Variants in TAFA1 observed in about 807,000 individuals in gnomAD.
The protein encoded by TAFA1 is TAFA chemokine like family member 1.
TAFA1 carries 4 observed loss-of-function variants against 18.5 expected under a neutral mutation model. That is an observed-to-expected ratio of 0.22 (90% CI 0.11 to 0.49). The LOEUF (loss-of-function observed/expected upper bound fraction) is 0.49, where lower values mean the gene tolerates loss of function less well. Ranked by LOEUF, TAFA1 falls within the 20% of genes least tolerant of loss-of-function variation. The pLI is 0.98. For missense variants in TAFA1, 147 were observed against 169.0 expected (o/e 0.87, Z 0.72); for synonymous variants, 56 against 55.2 (o/e 1.01, Z -0.06).
chr3:68,243,055 G>A (rs1342907670), intron 2 of TAFA1, among the ~76,000 whole-genome samples: 1 of 151,924 alleles, frequency 6.6e-6, no homozygotes, highest in Non-Finnish European at 1.5e-5. Context: ...AATCATACCA[G>A]TGAGCTTTAT....
intron 2 of TAFA1, among the ~76,000 whole-genome samples, chr3:68,231,867 G>A (rs975563258): frequency 7.2e-5 from 11 of 152,044 alleles, no homozygotes; most frequent in Admixed American, 6.6e-4. Flanking sequence ...CTTAGCCCAA[G>A]TAACTACTAA....
intron 1 of TAFA1, chr3:68,006,153 A>C (rs1704352491): frequency 6.3e-6 from 1 of 159,290 alleles, no homozygotes; most frequent in Non-Finnish European, 1.4e-5. Flanking sequence ...TTTAGAAGAC[A>C]GCATTGCAAT....
chr3:68,353,684 C>T (rs558303414), intron 2 of TAFA1, among the ~76,000 whole-genome samples: 8 of 152,094 alleles, frequency 5.3e-5, no homozygotes, highest in African/African-American at 1.9e-4. Context: ...CTGAGGCAGA[C>T]AGCAGAGGAG....
intron 3 of TAFA1, among the ~76,000 whole-genome samples, chr3:68,466,890 G>T (rs1487665009): frequency 6.6e-6 from 1 of 152,094 alleles, no homozygotes; most frequent in Non-Finnish European, 1.5e-5. Flanking sequence ...GGGAGACATC[G>T]CATGTCGGCA....
chr3:68,525,556 ATTG>A (rs2073099749), intron 3 of TAFA1, among the ~76,000 whole-genome samples: 1 of 152,202 alleles, frequency 6.6e-6, no homozygotes, highest in African/African-American at 2.4e-5. Context: ...AAAGCTGTTG[ATTG>A]TTGTTTTCCA....
intron 2 of TAFA1, among the ~76,000 whole-genome samples, chr3:68,281,283 C>T (rs1206613856): frequency 6.6e-6 from 1 of 151,988 alleles, no homozygotes; most frequent in Non-Finnish European, 1.5e-5. Flanking sequence ...TACAAAACGA[C>T]TTAAAATTCC....
At chr3:68,033,241 A>G (rs1704975158) in intron 2 of TAFA1, among the ~76,000 whole-genome samples, 1 of 152,084 alleles carries the variant, frequency 6.6e-6, no homozygotes, top group Admixed American at 6.5e-5. Context: ...CTGAGCTTTC[A>G]TACTCACTTC....
At chr3:68,446,434 C>A (rs771409705) in intron 3 of TAFA1, among the ~76,000 whole-genome samples, 2 of 152,112 alleles carry the variant, frequency 1.3e-5, no homozygotes, top group African/African-American at 4.8e-5. Context: ...CTGGCCCCCT[C>A]CCTTCTATCT....
At chr3:68,425,012 C>G (rs1359785797) in intron 3 of TAFA1, among the ~76,000 whole-genome samples, 1 of 151,876 alleles carries the variant, frequency 6.6e-6, no homozygotes, top group African/African-American at 2.4e-5. Flanking sequence ...TAAGTGTTGC[C>G]TAAGACTGGC....
intron 2 of TAFA1, among the ~76,000 whole-genome samples, chr3:68,300,700 G>T (rs1458823669): frequency 6.6e-6 from 1 of 152,162 alleles, no homozygotes; most frequent in Non-Finnish European, 1.5e-5. Context: ...ATCATCACGT[G>T]TCAAGGGAGA....
chr3:68,296,545 A>AT (rs2068210953), intron 2 of TAFA1, among the ~76,000 whole-genome samples: 1 of 146,164 alleles, frequency 6.8e-6, no homozygotes, highest in Non-Finnish European at 1.5e-5. Flanking sequence ...GTATCAAGTG[A>AT]TTTTTAGGGG....
chr3:68,471,463 C>T (rs2071996030), intron 3 of TAFA1, among the ~76,000 whole-genome samples: 1 of 152,200 alleles, frequency 6.6e-6, no homozygotes, highest in East Asian at 1.9e-4. Context: ...GAGCTGCACC[C>T]TGAAAAACCA....
chr3:68,321,516 T>G (rs79887456), intron 2 of TAFA1, among the ~76,000 whole-genome samples: 3,175 of 152,272 alleles, frequency 0.021, 60 homozygotes, highest in South Asian at 0.051. Flanking sequence ...TTTTTCAGCT[T>G]TGGCTTTTCT....
intron 2 of TAFA1, among the ~76,000 whole-genome samples, chr3:68,255,311 C>T (rs2067276478): frequency 6.6e-6 from 1 of 151,988 alleles, no homozygotes; most frequent in Non-Finnish European, 1.5e-5. Flanking sequence ...TTTTGTAAAT[C>T]TTATTTGTGT....
At chr3:68,531,526 G>A (rs901948451) in intron 3 of TAFA1, among the ~76,000 whole-genome samples, 3 of 152,002 alleles carry the variant, frequency 2.0e-5, no homozygotes, top group Non-Finnish European at 2.9e-5. Flanking sequence ...GTAGTGACCC[G>A]CCAGCACTTG....
At chr3:68,424,833 T>C (rs1405145352) in intron 3 of TAFA1, among the ~76,000 whole-genome samples, 1 of 151,972 alleles carries the variant, frequency 6.6e-6, no homozygotes, top group Non-Finnish European at 1.5e-5. Flanking sequence ...TTTCCCAAAC[T>C]TTTTAGAACC....
At chr3:68,223,145 T>C (rs932202554) in intron 2 of TAFA1, among the ~76,000 whole-genome samples, 41 of 152,172 alleles carry the variant, frequency 2.7e-4, no homozygotes, top group Admixed American at 2.0e-3. Flanking sequence ...GGTGAACATC[T>C]TTCCTGTCAA....
chr3:68,201,781 A>G (rs2066472108), intron 2 of TAFA1, among the ~76,000 whole-genome samples: 1 of 151,720 alleles, frequency 6.6e-6, no homozygotes, highest in East Asian at 1.9e-4. Flanking sequence ...TCATGGTTCT[A>G]CAAGATGGGA....
At chr3:68,037,059 G>C (rs971306425) in intron 2 of TAFA1, among the ~76,000 whole-genome samples, 1 of 152,130 alleles carries the variant, frequency 6.6e-6, no homozygotes, top group African/African-American at 2.4e-5. Context: ...ATGACATAGA[G>C]CTATGAGGAG....
Sources: gnomAD v4.1 joint callset for allele counts (sites outside exome capture counted in the v4.1 genomes callset) on GRCh38, gnomAD v4.1.1 for gene constraint, MANE v1.5 for transcripts, NCBI Gene and HGNC (gene_info 2026-07-23, HGNC 2026-07-21) for gene names.